LRP5: variants seen among roughly 807,000 people sequenced by gnomAD.
LRP5 encodes the protein low-density lipoprotein receptor-related protein 5.
LRP5 carries 62 observed loss-of-function variants against 154.1 expected under a neutral mutation model. The observed-to-expected ratio is 0.40, with a 90% CI of 0.33 to 0.50. The LOEUF (loss-of-function observed/expected upper bound fraction) is 0.50, where lower values mean the gene tolerates loss of function less well. Ranked by LOEUF, LRP5 falls within the 20% of genes least tolerant of loss-of-function variation. The pLI is 0.55. For synonymous variants in LRP5, 966 were observed against 1,011.5 expected (o/e 0.96, Z 0.85); for missense variants, 1,915 against 2,336.7 (o/e 0.82, Z 3.72).
At chr11:68,364,940 TG>T (rs1329006811) in intron 4 of LRP5, among the ~76,000 whole-genome samples, 1 of 152,154 alleles carries the variant, frequency 6.6e-6, no homozygotes, top group Non-Finnish European at 1.5e-5. Context: ...AGCTTTCCCC[TG>T]GTTTGAATGA....
In LRP5 at chr11:68,389,960, G is replaced by A; in HGVS notation, c.1492G>A (p.Val498Ile). 1 of 1,614,194 alleles carries A rather than the reference G, an allele frequency of 6.2e-7. No individual in the cohort carries two copies. The highest frequency in any genetic ancestry group is 1.1e-5 in the South Asian group (1 of 91,084). Residue 498 changes from valine to isoleucine, a missense_variant, in exon 7 of 23, where the codon GTC (valine) becomes ATC (isoleucine). By Grantham distance (29) the Val-to-Ile change is conservative. Transcript: ENST00000294304. ...NLDGQERRVL[V>I]NASLGWPNGL... Reference sequence around the variant, plus strand: ...GGATGGGCAGGAGCGGCGTGTGCTGGTCAATGCCTCCCTCGGGTGGCCCAA... The same window carrying A: ...GGATGGGCAGGAGCGGCGTGTGCTGATCAATGCCTCCCTCGGGTGGCCCAA...
intron 5 of LRP5, among the ~76,000 whole-genome samples, chr11:68,376,348 A>G (rs1004947915): frequency 3.3e-5 from 5 of 151,540 alleles, no homozygotes; most frequent in African/African-American, 4.9e-5. Context: ...CACTCGGCTT[A>G]TTTTTTGTAT....
intron 13 of LRP5, among the ~76,000 whole-genome samples, chr11:68,419,403 T>C (rs1309259356): frequency 6.6e-6 from 1 of 151,836 alleles, no homozygotes; most frequent in East Asian, 1.9e-4. Flanking sequence ...TGGCTGATTT[T>C]TTGTATTTTT....
intron 1 of LRP5, among the ~76,000 whole-genome samples, chr11:68,344,679 C>T (rs2098611262): frequency 1.3e-5 from 2 of 151,992 alleles, no homozygotes; most frequent in South Asian, 4.2e-4. Flanking sequence ...AGTCTCCCTC[C>T]CCTAGTCCCT....
Position 68,436,085 on chromosome 11 carries a change from G to A in LRP5, c.4001-804G>A, listed in dbSNP as rs548377217. Among the ~76,000 whole-genome samples, 37 of 152,300 alleles carry A rather than the reference G, an allele frequency of 2.4e-4. No individual in the cohort carries two copies. In the South Asian group the frequency reaches 4.6e-3, roughly 19 times the overall value. ...ACGTTGGAGCCATCTGAGCCCCCTCGTCCCGCTCTAGCTTCTCCTCCCGTG... is the reference window on the plus strand; with the variant it reads ...ACGTTGGAGCCATCTGAGCCCCCTCATCCCGCTCTAGCTTCTCCTCCCGTG... On this transcript the variant is annotated intron_variant, in intron 18 of 22. Transcript: ENST00000294304.
chr11:68,357,871 G>A (rs746582886), intron 3 of LRP5, 24 bp downstream of exon 3: 1 of 1,594,604 alleles, frequency 6.3e-7, no homozygotes, highest in Admixed American at 1.7e-5. Flanking sequence ...CAGTCCTGGG[G>A]CACCCCTTTC....
chr11:68,356,026 A>G (rs2098622897), intron 2 of LRP5, among the ~76,000 whole-genome samples: 1 of 141,848 alleles, frequency 7.0e-6, no homozygotes. Flanking sequence ...TTGTACTTTT[A>G]GTAGAGACGG....
chr11:68,323,328 C>G (rs114847382), intron 1 of LRP5, among the ~76,000 whole-genome samples: 1 of 151,792 alleles, frequency 6.6e-6, no homozygotes, highest in Non-Finnish European at 1.5e-5. Flanking sequence ...GGGCTGGTCT[C>G]GAACTTCTGA....
At chr11:68,432,589 C>A (rs1244589940) in intron 17 of LRP5, among the ~76,000 whole-genome samples, 1 of 152,244 alleles carries the variant, frequency 6.6e-6, no homozygotes, top group Non-Finnish European at 1.5e-5. Flanking sequence ...CAGCTTGAAA[C>A]CGATGTTTTT....
chr11:68,365,857 C>T (rs1381844344), intron 5 of LRP5, among the ~76,000 whole-genome samples, 155 bp downstream of exon 5: 1 of 152,194 alleles, frequency 6.6e-6, no homozygotes, highest in Non-Finnish European at 1.5e-5. Context: ...GTCCCAGCTA[C>T]TCGGGAAGCT....
intron 7 of LRP5, among the ~76,000 whole-genome samples, chr11:68,393,739 C>G (rs1175913336): frequency 2.0e-5 from 3 of 152,132 alleles, no homozygotes; most frequent in African/African-American, 4.8e-5. Flanking sequence ...CAAGATCGCG[C>G]CACTACACTC....
intron 3 of LRP5, among the ~76,000 whole-genome samples, chr11:68,358,973 G>A (rs2098625474): frequency 6.6e-6 from 1 of 152,228 alleles, no homozygotes; most frequent in Non-Finnish European, 1.5e-5. Context: ...GGACTCAGTG[G>A]CTGGATTTCT....
At chr11:68,324,928 G>GGCCTC (rs2098598800) in intron 1 of LRP5, among the ~76,000 whole-genome samples, 1 of 152,218 alleles carries the variant, frequency 6.6e-6, no homozygotes, top group Non-Finnish European at 1.5e-5. Flanking sequence ...GGCTCTGGGC[G>GGCCTC]GCCTCCTTGC....
intron 5 of LRP5, among the ~76,000 whole-genome samples, chr11:68,375,542 G>A (rs1481585678): frequency 6.6e-6 from 1 of 151,452 alleles, no homozygotes; most frequent in Non-Finnish European, 1.5e-5. Context: ...TCCTGCACAC[G>A]GCTCCTCCGC....
chr11:68,381,877 A>G (rs940357644), intron 5 of LRP5, among the ~76,000 whole-genome samples: 46 of 151,990 alleles, frequency 3.0e-4, no homozygotes, highest in Admixed American at 1.2e-3. Flanking sequence ...TACACACAGA[A>G]CCTCCTGGAG....
At chr11:68,373,437 G>A (rs543457920) in intron 5 of LRP5, among the ~76,000 whole-genome samples, 105 of 152,270 alleles carry the variant, frequency 6.9e-4, no homozygotes, top group Admixed American at 1.6e-3. Context: ...CACTATTTAC[G>A]TGGCCCCTGA....
intron 1 of LRP5, among the ~76,000 whole-genome samples, chr11:68,344,502 T>C (rs1429326869): frequency 6.6e-6 from 1 of 151,788 alleles, no homozygotes; most frequent in Non-Finnish European, 1.5e-5. Flanking sequence ...GTATTTTTAG[T>C]AGAGGCAAGG....
intron 1 of LRP5, among the ~76,000 whole-genome samples, chr11:68,344,849 C>CTCT (rs1296907089): frequency 3.1e-5 from 2 of 65,546 alleles, no homozygotes; most frequent in African/African-American, 6.2e-5. Context: ...GAATCTCTCT[C>CTCT]TTTTTTTTTT....
At chr11:68,428,260 G>C (rs1033668922) in intron 16 of LRP5, among the ~76,000 whole-genome samples, 16 of 152,204 alleles carry the variant, frequency 1.1e-4, no homozygotes, top group African/African-American at 1.7e-4. Context: ...CTCCCAAAGT[G>C]CTGGGATTAC....
Sources: gnomAD v4.1 joint callset for allele counts (sites outside exome capture counted in the v4.1 genomes callset) on GRCh38, gnomAD v4.1.1 for gene constraint, MANE v1.5 for transcripts, NCBI Gene and HGNC (gene_info 2026-07-23, HGNC 2026-07-21) for gene names.